The following ACOT7 variants were observed in gnomAD, a reference collection of about 807,000 sequenced individuals.
The protein encoded by ACOT7 is acyl-CoA thioesterase 7.
In ACOT7, 12 loss-of-function variants were observed where a neutral mutation model predicts 40.2. The ratio of observed to expected loss-of-function variants is 0.30; its 90% CI spans 0.19 to 0.48. ACOT7 has a LOEUF of 0.48. Among genes scored for constraint, ACOT7 ranks in the 20% least tolerant of loss-of-function variants. The pLI, the probability that ACOT7 is intolerant of heterozygous loss-of-function variation, is 0.99. For missense variants in ACOT7, 395 were observed against 530.8 expected, an observed-to-expected ratio of 0.74 and a Z score of 2.51; for synonymous variants, 228 against 219.5, an observed-to-expected ratio of 1.04 and a Z score of -0.34.
rs901758958 is a variant in ACOT7 at position 6,303,401 on chromosome 1, A to G, written c.713-8421T>C. ...AAAGGTATTTTTAATTGTAACATTT[A>G]ACTGCTTATAGGTTTTTGTTTTGTG... On this transcript the variant is annotated intron_variant, in intron 6 of 8. Coordinates refer to ENST00000361521, the MANE Select transcript of ACOT7 (RefSeq NM_007274.4). 2.9e-4 allele frequency among the ~76,000 whole-genome samples: 44 copies of G among 152,006 alleles called. 1 individual carries two copies. Among genetic ancestry groups the G allele is most frequent in the Non-Finnish European group, 1.5e-5 (1 of 68,010 alleles).
chr1:6,323,737 AATATATATATATATATATATAT>A (rs57302929), intron 5 of ACOT7, among the ~76,000 whole-genome samples: 2 of 38,418 alleles, frequency 5.2e-5, no homozygotes, highest in Non-Finnish European at 1.0e-4. Context: ...AAAAAAAAAA[AATATATATATATATATATATAT>A]ATATATATAT....
At position 6,338,890 on chromosome 1, in the gene ACOT7, G is replaced by A. The variant is rs536900171; in HGVS notation, c.418+543C>T. 2.0e-5 allele frequency among the ~76,000 whole-genome samples: 3 copies of A among 152,304 alleles called. No homozygotes were observed. The highest frequency in any genetic ancestry group is 4.1e-4 in the South Asian group (2 of 4,832). On this transcript the variant is annotated intron_variant, in intron 3 of 8. Coordinates refer to ENST00000361521, the MANE Select transcript of ACOT7 (RefSeq NM_007274.4). This position sits in a 1 kb window ranked among gnomAD's most constrained non-coding sequence, Gnocchi z 4.4. ...CGCCCCCTCCTGCAGCGCCCAGTGG[G>A]AAGGGGAAGGGGGTTTCCATGGTTA... is the stretch of plus-strand genomic sequence containing the variant.
intron 4 of ACOT7, among the ~76,000 whole-genome samples, chr1:6,332,198 C>T (rs1377938281): frequency 2.6e-5 from 4 of 152,324 alleles, no homozygotes; most frequent in South Asian, 2.1e-4. Flanking sequence ...ATATCTCAGC[C>T]GGAGGAAAAG....
chr1:6,385,897 T>G, intron 1 of ACOT7: 1 of 1,263,592 alleles, frequency 7.9e-7, no homozygotes, highest in Non-Finnish European at 1.0e-6. Context: ...AGACCAGTGA[T>G]GCAAGGAATC....
chr1:6,276,601 C>T (rs938003949), intron 8 of ACOT7, among the ~76,000 whole-genome samples: 1 of 151,230 alleles, frequency 6.6e-6, no homozygotes, highest in Non-Finnish European at 1.5e-5. Flanking sequence ...ATGAGGGAGG[C>T]GACTGGGAGT....
chr1:6,392,746 G>A (rs536504153), intron 1 of ACOT7, among the ~76,000 whole-genome samples: 1 of 152,150 alleles, frequency 6.6e-6, no homozygotes, highest in Non-Finnish European at 1.5e-5. Context: ...CTCCCACAGG[G>A]GCACCCACCG....
Position 6,295,980 on chromosome 1 carries a change from C to T in ACOT7, c.713-1000G>A, listed in dbSNP as rs1179063359. The stretch of plus-strand genomic sequence containing the variant: ...GTACAGTGATGTGATCTCAGCTCAT[C>T]GCAGCCTCAACCTCCCCAGGCTCAG... On this transcript the variant is annotated intron_variant, in intron 6 of 8. Transcript: ENST00000361521. Among the ~76,000 whole-genome samples the T allele has an allele frequency of 6.6e-5, 10 of 152,198 alleles. No individual in the cohort carries two copies. In the East Asian group the frequency reaches 1.4e-3, roughly 21 times the overall value.
At chr1:6,360,659 C>T in intron 1 of ACOT7, 1 of 1,614,224 alleles carries the variant, frequency 6.2e-7, no homozygotes, top group Non-Finnish European at 8.5e-7. Flanking sequence ...GCATCGTCTC[C>T]CCACGTCTCC....
chr1:6,328,383 G>C (rs536715789), intron 4 of ACOT7, among the ~76,000 whole-genome samples: 1 of 152,142 alleles, frequency 6.6e-6, no homozygotes, highest in African/African-American at 2.4e-5. Context: ...AGCACAGGCC[G>C]GGCATGGTGG....
At chr1:6,380,287 G>T (rs895986196) in intron 1 of ACOT7, among the ~76,000 whole-genome samples, 27 of 151,402 alleles carry the variant, frequency 1.8e-4, no homozygotes, top group African/African-American at 6.3e-4. Flanking sequence ...ATGGTCAAAT[G>T]ATCTATGTGA....
At chr1:6,286,126 C>A (rs571533159) in intron 7 of ACOT7, among the ~76,000 whole-genome samples, 1 of 152,196 alleles carries the variant, frequency 6.6e-6, no homozygotes, top group African/African-American at 2.4e-5. Context: ...AGCCCACGAG[C>A]GGAGGTGCTG....
chr1:6,391,008 T>C (rs906958810), intron 1 of ACOT7, among the ~76,000 whole-genome samples: 5 of 147,332 alleles, frequency 3.4e-5, no homozygotes, highest in Non-Finnish European at 7.5e-5. Context: ...AAAAATCTAG[T>C]AACTAGGCTA....
intron 1 of ACOT7, among the ~76,000 whole-genome samples, chr1:6,379,689 T>C (rs563687171): frequency 4.0e-5 from 6 of 151,786 alleles, no homozygotes; most frequent in Admixed American, 3.3e-4. Context: ...CTTGAACTCC[T>C]GAGCTCAAGC....
At chr1:6,314,094 C>G (rs1188605326) in intron 6 of ACOT7, among the ~76,000 whole-genome samples, 2 of 152,160 alleles carry the variant, frequency 1.3e-5, no homozygotes, top group Non-Finnish European at 2.9e-5. Context: ...GGGAACAGTT[C>G]CGTGGCAGGC....
chr1:6,360,305 C>A (rs908975293), intron 1 of ACOT7, among the ~76,000 whole-genome samples: 1 of 152,228 alleles, frequency 6.6e-6, no homozygotes, highest in African/African-American at 2.4e-5. Context: ...CTGAGTCTGG[C>A]CCAAGCCTGG....
intron 1 of ACOT7, among the ~76,000 whole-genome samples, chr1:6,383,662 A>AGTG (rs1642390087): frequency 6.6e-6 from 1 of 150,524 alleles, no homozygotes; most frequent in Non-Finnish European, 1.5e-5. Flanking sequence ...CAATCTCCTG[A>AGTG]GTGGTTGAGA....
chr1:6,269,254 G>A (rs1553154089), intron 8 of ACOT7, among the ~76,000 whole-genome samples: 1 of 152,204 alleles, frequency 6.6e-6, no homozygotes, highest in Non-Finnish European at 1.5e-5. Context: ...ACTTTTAGGG[G>A]TGGGACTCGT....
chr1:6,352,468 G>C lies in ACOT7; in HGVS notation c.144-2602C>G, dbSNP rs904837454. On this transcript the variant is annotated intron_variant, in intron 1 of 8. Coordinates refer to ENST00000361521, the MANE Select transcript of ACOT7 (RefSeq NM_007274.4). The surrounding 1 kb of genome is among the most constrained non-coding windows in gnomAD (Gnocchi z 4.5). Reference sequence around the variant, plus strand: ...TCTCTCAGGCCCCGCCCCATGGCCTGGCCAAGGCCAACCGTGTCCATCCCA... The same window carrying C: ...TCTCTCAGGCCCCGCCCCATGGCCTCGCCAAGGCCAACCGTGTCCATCCCA... Among the ~76,000 whole-genome samples, 1 of 152,238 alleles carries C rather than the reference G, an allele frequency of 6.6e-6. No individual in the cohort carries two copies. The highest frequency in any genetic ancestry group is 6.5e-5 in the Admixed American group (1 of 15,284).
chr1:6,363,341 C>T (rs1641929761), intron 1 of ACOT7, among the ~76,000 whole-genome samples: 1 of 152,136 alleles, frequency 6.6e-6, no homozygotes, highest in South Asian at 2.1e-4. Context: ...CGCCACTTAG[C>T]AGACCAGGAA....
Sources: gnomAD v4.1 joint callset for allele counts (sites outside exome capture counted in the v4.1 genomes callset) on GRCh38, gnomAD v4.1.1 for gene constraint, Gnocchi (gnomAD v3.1) non-coding constraint, MANE v1.5 for transcripts, NCBI Gene and HGNC (gene_info 2026-07-23, HGNC 2026-07-21) for gene names.